Variants in FSHR observed in about 807,000 individuals in gnomAD.
FSHR encodes the protein follicle stimulating hormone receptor, also known as follicle-stimulating hormone receptor.
A neutral mutation model predicts 52.1 loss-of-function variants in FSHR; 46 were observed. The ratio of observed to expected loss-of-function variants is 0.88; its 90% CI spans 0.70 to 1.13. The LOEUF is 1.13. FSHR is among the 50% of genes most tolerant of loss of function. The probability of loss-of-function intolerance (pLI) is 0.00; values close to 1 mark genes in which losing one functional copy is unlikely to be tolerated. For missense variants in FSHR, 964 were observed against 834.6 expected (o/e 1.16, Z -1.91); for synonymous variants, 399 against 309.6 (o/e 1.29, Z -3.03).
intron 4 of FSHR, chr2:48,997,415 A>G (rs1676071507): frequency 3.0e-6 from 3 of 984,636 alleles, no homozygotes; most frequent in Non-Finnish European, 3.6e-6. Context: ...GGTCAGTCCT[A>G]TCGGCTTGGC....
intron 4 of FSHR, among the ~76,000 whole-genome samples, chr2:49,011,451 A>T (rs1274732530): frequency 6.6e-6 from 1 of 152,112 alleles, no homozygotes; most frequent in Non-Finnish European, 1.5e-5. Context: ...ACTTCCAAGT[A>T]TGTGGTCAGT....
rs553940426 is a variant in FSHR, at chr2:49,095,506, C to G, written c.153-27216G>C. ...TTGATTAAAGATCAAATTGTAAGAG[C>G]TAAAACTATAAAACTTTTTGAAGAA... On this transcript the variant is annotated intron_variant, in intron 1 of 9. Transcript: ENST00000406846. Among the ~76,000 whole-genome samples, 4 of 152,232 alleles carry G rather than the reference C, an allele frequency of 2.6e-5. No homozygotes were observed. The East Asian group carries it at 7.7e-4, about 29-fold the overall frequency.
At chr2:49,130,799 A>T (rs987202676) in intron 1 of FSHR, among the ~76,000 whole-genome samples, 6 of 152,154 alleles carry the variant, frequency 3.9e-5, no homozygotes, top group African/African-American at 1.2e-4. Flanking sequence ...ATTATTCCCT[A>T]CTGGTGAGGG....
intron 6 of FSHR, among the ~76,000 whole-genome samples, chr2:48,985,261 G>T (rs1453512475): frequency 6.6e-6 from 1 of 152,178 alleles, no homozygotes; most frequent in Non-Finnish European, 1.5e-5. Flanking sequence ...AGCTACAGAA[G>T]TGAACTTTGC....
At chr2:48,969,871 C>G (rs970353543) in intron 8 of FSHR, among the ~76,000 whole-genome samples, 1 of 152,182 alleles carries the variant, frequency 6.6e-6, no homozygotes, top group Non-Finnish European at 1.5e-5. Context: ...AAAACCAAGA[C>G]CGGCTGGTGA....
chr2:49,021,074 G>A (rs1043539756), intron 2 of FSHR, among the ~76,000 whole-genome samples: 11 of 151,998 alleles, frequency 7.2e-5, no homozygotes, highest in Non-Finnish European at 1.6e-4. Flanking sequence ...TGCACATCCT[G>A]CACATGTACC....
intron 1 of FSHR, among the ~76,000 whole-genome samples, chr2:49,152,672 C>G (rs1488469774): frequency 6.6e-6 from 1 of 152,138 alleles, no homozygotes; most frequent in East Asian, 1.9e-4. Flanking sequence ...GTTTTATCAA[C>G]TGGATGACAC....
At chr2:49,036,356 C>T (rs1030696904) in intron 2 of FSHR, among the ~76,000 whole-genome samples, 2 of 151,688 alleles carry the variant, frequency 1.3e-5, no homozygotes, top group African/African-American at 4.8e-5. Context: ...TTTTTATGTT[C>T]ATTTATTTTA....
At chr2:48,974,184 AAT>A (rs1272088041) in intron 8 of FSHR, among the ~76,000 whole-genome samples, 1 of 152,196 alleles carries the variant, frequency 6.6e-6, no homozygotes, top group Non-Finnish European at 1.5e-5. Context: ...TGTGGCTGAG[AAT>A]ATAAAAGTTA....
At chr2:49,136,408 T>C (rs1672491053) in intron 1 of FSHR, among the ~76,000 whole-genome samples, 1 of 152,114 alleles carries the variant, frequency 6.6e-6, no homozygotes, top group Non-Finnish European at 1.5e-5. Context: ...CAGACCCAGA[T>C]GGCTTCACTG....
chr2:48,977,144 T>A (rs1675028090), intron 8 of FSHR, among the ~76,000 whole-genome samples: 1 of 151,572 alleles, frequency 6.6e-6, no homozygotes, highest in Non-Finnish European at 1.5e-5. Context: ...CTCTCTCTCG[T>A]TTCTGTCTTT....
At chr2:49,058,700 C>G (rs2104319339) in intron 2 of FSHR, among the ~76,000 whole-genome samples, 1 of 151,826 alleles carries the variant, frequency 6.6e-6, no homozygotes, top group Non-Finnish European at 1.5e-5. Flanking sequence ...ATTCCATTTA[C>G]AAAAACTACA....
intron 1 of FSHR, among the ~76,000 whole-genome samples, chr2:49,092,154 T>C (rs1670637357): frequency 6.6e-6 from 1 of 152,212 alleles, no homozygotes; most frequent in South Asian, 2.1e-4. Flanking sequence ...TTAGATTTTA[T>C]TTTTGGTTTC....
intron 8 of FSHR, among the ~76,000 whole-genome samples, chr2:48,980,074 G>A (rs750319637): frequency 3.3e-5 from 5 of 152,210 alleles, no homozygotes; most frequent in African/African-American, 1.2e-4. Flanking sequence ...AGGTCAGCAG[G>A]GGGAGAGGCT....
chr2:48,973,181 T>C (rs1674819343), intron 8 of FSHR, among the ~76,000 whole-genome samples: 1 of 152,198 alleles, frequency 6.6e-6, no homozygotes, highest in African/African-American at 2.4e-5. Flanking sequence ...GCTGCCATAT[T>C]GGTAAAAGCC....
chr2:48,988,607 C>T (rs1675623338), intron 6 of FSHR, among the ~76,000 whole-genome samples: 1 of 152,210 alleles, frequency 6.6e-6, no homozygotes, highest in Admixed American at 6.5e-5. Flanking sequence ...GAGGGAATCG[C>T]CATATCTTCC....
intron 8 of FSHR, among the ~76,000 whole-genome samples, chr2:48,982,031 T>C (rs1041651622): frequency 6.6e-6 from 1 of 152,238 alleles, no homozygotes. Flanking sequence ...TTCTTCATCT[T>C]GAAGTACTTT....
At chr2:48,969,780 G>C (rs1039096902) in intron 8 of FSHR, among the ~76,000 whole-genome samples, 1 of 152,218 alleles carries the variant, frequency 6.6e-6, no homozygotes, top group African/African-American at 2.4e-5. Context: ...CCCCTGATGG[G>C]CTGCAAGTTC....
chr2:48,975,389 G>A (rs989358), intron 8 of FSHR, among the ~76,000 whole-genome samples: 116,422 of 151,750 alleles, frequency 0.77, 44,740 homozygotes, highest in Non-Finnish European at 0.78. Flanking sequence ...TCCAACACCT[G>A]AACACTGGAT....
Sources: allele counts gnomAD v4.1 joint callset (sites outside exome capture counted in the v4.1 genomes callset), GRCh38; gene constraint gnomAD v4.1.1; transcripts MANE v1.5; gene names NCBI Gene and HGNC (gene_info 2026-07-23, HGNC 2026-07-21).